MYRIP: variants seen among roughly 807,000 people sequenced by gnomAD.
MYRIP encodes the protein myosin VIIA and Rab interacting protein.
A neutral mutation model predicts 98.0 loss-of-function variants in MYRIP; 49 were observed. The observed-to-expected ratio is 0.50, with a 90% CI of 0.40 to 0.63. The LOEUF is 0.63. MYRIP is among the 30% of genes least tolerant of loss of function. The pLI is 0.00. For synonymous variants in MYRIP, 404 were observed against 409.5 expected (o/e 0.99, Z 0.16); for missense variants, 1,004 against 1,058.2 (o/e 0.95, Z 0.71).
rs115100978 is a variant in MYRIP at position 40,133,432 on chromosome 3, G to T, written c.333-17616G>T. Among the ~76,000 whole-genome samples, 666 of 152,346 alleles carry T rather than the reference G, an allele frequency of 4.4e-3. 2 individuals are homozygous for T. Among genetic ancestry groups the T allele is most frequent in the African/African-American group, 0.015 (633 of 41,588 alleles). ...ATCATGGGCCCTTCTCTTGATGGATGCTTAACTTAGCAGCACAGGCAGATC... is the reference window on the plus strand; with the variant it reads ...ATCATGGGCCCTTCTCTTGATGGATTCTTAACTTAGCAGCACAGGCAGATC... On this transcript the variant is annotated intron_variant, in intron 3 of 16. Transcript: ENST00000302541.
At chr3:40,134,421 G>C (rs566419586) in intron 3 of MYRIP, among the ~76,000 whole-genome samples, 2 of 152,370 alleles carry the variant, frequency 1.3e-5, no homozygotes, top group East Asian at 3.9e-4. Context: ...ACAGCTCAAA[G>C]AGGCCTGCCT....
intron 8 of MYRIP, among the ~76,000 whole-genome samples, chr3:40,180,923 G>A (rs1950868640): frequency 6.6e-6 from 1 of 152,166 alleles, no homozygotes; most frequent in Non-Finnish European, 1.5e-5. Flanking sequence ...TGTGATGATG[G>A]GGATGCTGGG....
chr3:39,814,503 T>C (rs943715823), intron 1 of MYRIP, among the ~76,000 whole-genome samples: 2 of 152,200 alleles, frequency 1.3e-5, no homozygotes, highest in African/African-American at 4.8e-5. Flanking sequence ...GGCAGGAGTA[T>C]AATTGTTTTC....
rs377127024 is a variant in MYRIP at position 40,204,165 on chromosome 3, AATATTT to A, written c.1666-5684_1666-5679del. ...TATATAATATATAAATATATAATAT[AATATTT>A]ATATATTATATAATATATAAATATT... On this transcript the variant is annotated intron_variant, in intron 10 of 16. Transcript: ENST00000302541. Among the ~76,000 whole-genome samples the A allele has an allele frequency of 5.1e-3, 14 of 2,754 alleles. 2 individuals are homozygous for A. Among genetic ancestry groups the A allele is most frequent in the East Asian group, 0.026 (1 of 38 alleles). 1.8% of individuals were successfully genotyped at this position (2,754 alleles called of 152,430 possible).
At chr3:40,220,644 A>G in intron 11 of MYRIP, among the ~76,000 whole-genome samples, 1 of 152,228 alleles carries the variant, frequency 6.6e-6, no homozygotes, top group Non-Finnish European at 1.5e-5. Flanking sequence ...CTATAAAGAA[A>G]AAACCTTAGA....
chr3:40,216,895 G>T (rs915822731), intron 11 of MYRIP, among the ~76,000 whole-genome samples: 2 of 152,112 alleles, frequency 1.3e-5, no homozygotes, highest in East Asian at 1.9e-4. Context: ...AGATGAATTT[G>T]TAAATGCTTT....
intron 1 of MYRIP, among the ~76,000 whole-genome samples, chr3:39,824,079 C>T (rs185954049): frequency 5.8e-4 from 88 of 152,220 alleles, no homozygotes; most frequent in African/African-American, 1.8e-3. Flanking sequence ...ATATGGACAT[C>T]GTTTTCTCAG....
intron 10 of MYRIP, among the ~76,000 whole-genome samples, chr3:40,191,027 G>A (rs568883198): frequency 1.3e-5 from 2 of 152,332 alleles, no homozygotes; most frequent in African/African-American, 4.8e-5. Context: ...AGCTCTGTCT[G>A]AGATGTGACA....
chr3:40,180,230 C>T (rs1950853944), intron 8 of MYRIP, among the ~76,000 whole-genome samples: 1 of 152,056 alleles, frequency 6.6e-6, no homozygotes, highest in Non-Finnish European at 1.5e-5. Flanking sequence ...ACAGTGGGAT[C>T]CTTTTTATTT....
chr3:39,854,151 G>A (rs6792349), intron 1 of MYRIP, among the ~76,000 whole-genome samples: 2,450 of 152,106 alleles, frequency 0.016, 63 homozygotes, highest in African/African-American at 0.055. Flanking sequence ...TTTGGTACTG[G>A]TATAAAATAG....
At chr3:40,210,699 G>C (rs990871817) in intron 11 of MYRIP, among the ~76,000 whole-genome samples, 1 of 152,030 alleles carries the variant, frequency 6.6e-6, no homozygotes, top group African/African-American at 2.4e-5. Flanking sequence ...AGCCCTAACC[G>C]CTTGATTTTC....
chr3:39,816,719 TAA>T (rs1940928061), intron 1 of MYRIP, among the ~76,000 whole-genome samples: 1 of 152,166 alleles, frequency 6.6e-6, no homozygotes, highest in Non-Finnish European at 1.5e-5. Flanking sequence ...TAAATTAAAC[TAA>T]GTGTGTTAAT....
chr3:39,948,376 C>T, intron 2 of MYRIP, among the ~76,000 whole-genome samples: 1 of 151,908 alleles, frequency 6.6e-6, no homozygotes, highest in East Asian at 1.9e-4. Context: ...GCAGTAGAAC[C>T]AGGACTGTAA....
chr3:40,182,021 C>T (rs561480400), intron 8 of MYRIP, among the ~76,000 whole-genome samples, 199 bp from the exon 9 acceptor site: 1 of 152,308 alleles, frequency 6.6e-6, no homozygotes, highest in East Asian at 1.9e-4. Flanking sequence ...TTCTACTAGG[C>T]CTGGCTGACT....
At chr3:40,038,532 CAA>C (rs998990302) in intron 2 of MYRIP, among the ~76,000 whole-genome samples, 2 of 151,784 alleles carry the variant, frequency 1.3e-5, no homozygotes, top group African/African-American at 4.8e-5. Context: ...GACAAATAAA[CAA>C]TATTCTGAAA....
intron 8 of MYRIP, among the ~76,000 whole-genome samples, chr3:40,175,145 A>T (rs948240746): frequency 2.5e-4 from 37 of 149,848 alleles, no homozygotes; most frequent in Non-Finnish European, 4.3e-4. Flanking sequence ...AAATAAAAAT[A>T]AAAAAATAAA....
At position 40,125,712 on chromosome 3, in the gene MYRIP, C is replaced by T. The variant is rs528516920; in HGVS notation, c.333-25336C>T. On this transcript the variant is annotated intron_variant, in intron 3 of 16. Transcript: ENST00000302541. ...TGCTGTAGGGATCGGAGAAATTGCG[C>T]ATAGAGGGCCTAGGAGCAGCTGCGG... 2.4e-4 allele frequency among the ~76,000 whole-genome samples: 36 copies of T among 152,256 alleles called. No individual in the cohort carries two copies. The South Asian group carries it at 7.3e-3, about 31-fold the overall frequency.
chr3:39,861,449 G>A (rs9833758), intron 1 of MYRIP, among the ~76,000 whole-genome samples: 2 of 151,948 alleles, frequency 1.3e-5, no homozygotes, highest in Non-Finnish European at 1.5e-5. Flanking sequence ...TTCTTACCTC[G>A]CAACAACCAC....
intron 1 of MYRIP, among the ~76,000 whole-genome samples, chr3:39,895,236 A>G (rs7644789): frequency 0.64 from 97,215 of 150,864 alleles, 32,973 homozygotes; most frequent in African/African-American, 0.87. Context: ...GCCCAGGCTG[A>G]AGTGCAGTGG....
Sources: allele counts gnomAD v4.1 joint callset (sites outside exome capture counted in the v4.1 genomes callset), GRCh38; gene constraint gnomAD v4.1.1; transcripts MANE v1.5; gene names NCBI Gene and HGNC (gene_info 2026-07-23, HGNC 2026-07-21).